Variants in DDX27 observed in about 807,000 individuals in gnomAD.
The protein encoded by DDX27 is DEAD-box helicase 27, also known as probable ATP-dependent RNA helicase DDX27.
In DDX27, 42 loss-of-function variants were observed where a neutral mutation model predicts 99.3. That is an observed-to-expected ratio of 0.42 (90% CI 0.33 to 0.55). The LOEUF (loss-of-function observed/expected upper bound fraction) is 0.55, where lower values mean the gene tolerates loss of function less well. Ranked by LOEUF, DDX27 falls within the 20% of genes least tolerant of loss-of-function variation. The pLI is 0.07. For missense variants in DDX27, 798 were observed against 976.8 expected (o/e 0.82, Z 2.44); for synonymous variants, 329 against 353.8 (o/e 0.93, Z 0.79).
At chr20:49,226,745 TC>T (rs1355724982) in intron 7 of DDX27, among the ~76,000 whole-genome samples, 1 of 152,020 alleles carries the variant, frequency 6.6e-6, no homozygotes, top group Non-Finnish European at 1.5e-5. Flanking sequence ...CGATCGATTT[TC>T]CCATCTTGGC....
At position 49,236,402 on chromosome 20, in the gene DDX27, G is replaced by C; in HGVS notation, c.1579G>C (p.Gly527Arg). ...VHRVGRTARA[G>R]RAGRSVSLVG... ...CCGGGTGGGGCGAACAGCACGTGCTGGCAGGGCTGGGCGCTCAGTCTCTCT... is the reference window on the plus strand; with the variant it reads ...CCGGGTGGGGCGAACAGCACGTGCTCGCAGGGCTGGGCGCTCAGTCTCTCT... The change falls in exon 14 of 21, where the codon GGC (glycine) becomes CGC (arginine). Residue 527 changes from glycine (G) to arginine (R), a missense_variant. Physicochemically the swap from Gly to Arg is moderately radical, Grantham distance 125. This residue lies in a region of DDX27 where 553 missense variants were observed against 727.9 expected (regional missense o/e 0.76). Transcript: ENST00000618172. The surrounding 1 kb of genome is among the most constrained non-coding windows in gnomAD (Gnocchi z 4.1). 6.2e-7 allele frequency: 1 copy of C among 1,612,644 alleles called. No individual in the cohort carries two copies. The highest frequency in any genetic ancestry group is 1.1e-5 in the South Asian group (1 of 90,692).
intron 14 of DDX27, among the ~76,000 whole-genome samples, chr20:49,237,016 A>G (rs1249090617): frequency 3.3e-5 from 5 of 152,174 alleles, no homozygotes; most frequent in African/African-American, 1.2e-4. Flanking sequence ...GCCCAGCCTT[A>G]AAAATTTTTA....
At chr20:49,221,727 T>A in intron 2 of DDX27, 129 bp downstream of exon 2, 1 of 698,916 alleles carries the variant, frequency 1.4e-6, no homozygotes. Flanking sequence ...CCTTTGAAAA[T>A]AACTGGTTAA....
intron 6 of DDX27, among the ~76,000 whole-genome samples, 175 bp from the exon 7 acceptor site, chr20:49,226,255 T>C (rs1446403353): frequency 6.6e-6 from 1 of 152,200 alleles, no homozygotes; most frequent in Non-Finnish European, 1.5e-5. Flanking sequence ...TTTACTGCTG[T>C]GTCCTCAGTG....
At position 49,221,377 on chromosome 20, in the gene DDX27, T is replaced by C. The variant is rs1600961208; in HGVS notation, c.94-75T>C. 1.9e-6 allele frequency: 3 copies of C among 1,579,748 alleles called. No homozygotes were observed. In the East Asian group the frequency reaches 6.8e-5, roughly 36 times the overall value. On this transcript the variant is annotated intron_variant, in intron 1 of 20. Coordinates refer to ENST00000618172, the MANE Select transcript of DDX27 (RefSeq NM_017895.8). ...TGCTGGGATTACAGGTGTGAGCCACTGTGCCTGGCCCCTTCTTGCTTTCTA... is the reference window on the plus strand; with the variant it reads ...TGCTGGGATTACAGGTGTGAGCCACCGTGCCTGGCCCCTTCTTGCTTTCTA...
At position 49,223,355 on chromosome 20, in the gene DDX27, AATG is replaced by A. The variant is rs761437405; in HGVS notation, c.393_395del (p.Asp131del). 7.4e-6 allele frequency: 12 copies of A among 1,613,974 alleles called. No homozygotes were observed. The highest frequency in any genetic ancestry group is 1.3e-5 in the African/African-American group (1 of 74,930). On this transcript the variant is annotated inframe_deletion, in exon 4 of 21. Transcript: ENST00000618172. ...AAAGGAGCAGGAAGACCTTCAAGAG[AATG>A]ATGAGGAAGGCTCAGAAGATGAAGC...
chr20:49,239,389 A>T (rs1160235404), intron 16 of DDX27, 51 bp downstream of exon 16: 1 of 1,363,334 alleles, frequency 7.3e-7, no homozygotes, highest in African/African-American at 1.4e-5. Context: ...ACCCCACAGG[A>T]CTCAGCAGTT....
intron 7 of DDX27, among the ~76,000 whole-genome samples, 194 bp from the exon 8 acceptor site, chr20:49,228,521 C>T (rs535012300): frequency 5.3e-5 from 8 of 152,332 alleles, no homozygotes; most frequent in African/African-American, 1.7e-4. Context: ...GATCCGCCTG[C>T]CTCGGCGTCC....
At position 49,219,466 on chromosome 20, in the gene DDX27, C is replaced by G; in HGVS notation, c.18C>G (p.Gly6=). MLADL[G]LIGTIGEDDE... ...GCGACAACATGCTTGCGGACCTCGG[C>G]TTAATCGGAACCATAGGCGAGGATG... Residue 6 remains glycine (G), a synonymous_variant, in exon 1 of 21, where the codon GGC becomes GGG. Coordinates refer to ENST00000618172, the MANE Select transcript of DDX27 (RefSeq NM_017895.8). 1 of 1,614,128 alleles carries G rather than the reference C, an allele frequency of 6.2e-7. No homozygotes were observed. Among genetic ancestry groups the G allele is most frequent in the Non-Finnish European group, 8.5e-7 (1 of 1,180,022 alleles).
rs238156 is a variant in DDX27, at chr20:49,239,500, T to G, written c.1897+162T>G. ...TGTTTCCACATTTGGGGTGTGGGGG[T>G]TGCATTAGATTCTCATAAGGAGTGC... On this transcript the variant is annotated intron_variant, in intron 16 of 20. Coordinates refer to ENST00000618172, the MANE Select transcript of DDX27 (RefSeq NM_017895.8). 0.68 allele frequency among the ~76,000 whole-genome samples: 103,774 copies of G among 152,004 alleles called. 36,385 individuals carry two copies. Among genetic ancestry groups the G allele is most frequent in the Non-Finnish European group, 0.78 (52,669 of 67,958 alleles).
intron 16 of DDX27, among the ~76,000 whole-genome samples, chr20:49,239,870 C>T (rs558869740): frequency 1.3e-5 from 2 of 152,270 alleles, no homozygotes; most frequent in East Asian, 3.8e-4. Context: ...TGTTTATATA[C>T]ACACAATGGA....
chr20:49,239,178 G>C, intron 15 of DDX27, 58 bp from the exon 16 acceptor site: 1 of 1,570,836 alleles, frequency 6.4e-7, no homozygotes, highest in Non-Finnish European at 8.8e-7. Flanking sequence ...GCAGCCCGTG[G>C]CTTCCTGTGT....
At chr20:49,227,012 G>A (rs377326956) in intron 7 of DDX27, among the ~76,000 whole-genome samples, 141 of 150,194 alleles carry the variant, frequency 9.4e-4, no homozygotes, top group East Asian at 3.4e-3. Flanking sequence ...ACAGGCGCCC[G>A]CCACTACGCC....
At chr20:49,233,477 G>A (rs1980195531) in intron 10 of DDX27, 72 bp downstream of exon 10, 10 of 1,601,982 alleles carry the variant, frequency 6.2e-6, no homozygotes, top group Non-Finnish European at 8.5e-6. Flanking sequence ...ACCCTGGCTG[G>A]GCTTGAGGGG....
chr20:49,220,124 C>A (rs1375594104), intron 1 of DDX27, among the ~76,000 whole-genome samples: 1 of 152,174 alleles, frequency 6.6e-6, no homozygotes, highest in Non-Finnish European at 1.5e-5. Flanking sequence ...TCTCATCTGT[C>A]CGCCTGATAG....
chr20:49,240,765 C>G lies in DDX27; in HGVS notation c.1898-1128C>G, dbSNP rs568838501. ...TTTTAATGGCTTCATGTTCTTCCATCATATGAGTAGATTGTTGAGGGACAT... is the reference window on the plus strand; with the variant it reads ...TTTTAATGGCTTCATGTTCTTCCATGATATGAGTAGATTGTTGAGGGACAT... On this transcript the variant is annotated intron_variant, in intron 16 of 20. Coordinates refer to ENST00000618172, the MANE Select transcript of DDX27 (RefSeq NM_017895.8). Among the ~76,000 whole-genome samples the G allele has an allele frequency of 2.8e-4, 43 of 152,102 alleles. No individual in the cohort carries two copies. In the East Asian group the frequency reaches 5.8e-3, roughly 20 times the overall value.
chr20:49,225,017 T>C (rs1309631518), intron 5 of DDX27, 26 bp downstream of exon 5: 2 of 1,614,014 alleles, frequency 1.2e-6, no homozygotes, highest in African/African-American at 1.3e-5. Context: ...CAAGACAGTA[T>C]GCAGCTTGTT....
intron 5 of DDX27, 29 bp downstream of exon 5, chr20:49,225,020 A>G (rs753509476): frequency 1.9e-6 from 3 of 1,614,088 alleles, no homozygotes; most frequent in Admixed American, 1.7e-5. Flanking sequence ...GACAGTATGC[A>G]GCTTGTTGGC....
At chr20:49,235,331 G>C (rs1980266916) in intron 12 of DDX27, 1 of 393,880 alleles carries the variant, frequency 2.5e-6, no homozygotes, top group African/African-American at 2.1e-5. Flanking sequence ...GGGAGCTGTT[G>C]TGTGGCGTGA....
Sources: allele counts gnomAD v4.1 joint callset (sites outside exome capture counted in the v4.1 genomes callset), GRCh38; gene constraint gnomAD v4.1.1; regional missense constraint gnomAD v4.1.1; non-coding constraint Gnocchi (gnomAD v3.1); transcripts MANE v1.5; gene names NCBI Gene and HGNC (gene_info 2026-07-23, HGNC 2026-07-21).